Variants in EMCN observed in about 807,000 individuals in gnomAD.
The protein encoded by EMCN is endomucin, also known as MUC-14.
In EMCN, 37 loss-of-function variants were observed where a neutral mutation model predicts 38.4. The observed-to-expected ratio is 0.96, with a 90% CI of 0.74 to 1.27. EMCN has a LOEUF of 1.27. EMCN is among the 50% of genes most tolerant of loss of function. The pLI is 0.00. For synonymous variants in EMCN, 95 were observed against 100.8 expected (o/e 0.94, Z 0.35); for missense variants, 318 against 302.8 (o/e 1.05, Z -0.37).
At chr4:100,490,452 T>C (rs947772684) in intron 1 of EMCN, among the ~76,000 whole-genome samples, 1 of 152,192 alleles carries the variant, frequency 6.6e-6, no homozygotes, top group Non-Finnish European at 1.5e-5. Flanking sequence ...AGTAAATTCC[T>C]AGACCTTCAC....
In EMCN at chr4:100,469,361, T is replaced by C. The variant is rs896114318; in HGVS notation, c.260-3822A>G. Among the ~76,000 whole-genome samples the C allele has an allele frequency of 2.6e-5, 4 of 152,102 alleles. No homozygotes were observed. The South Asian group carries it at 6.2e-4, about 24-fold the overall frequency. Reference sequence around the variant, plus strand: ...GATATTACATCAAAAGCTCAGGGTATGGCCTCAGCAATTATTTTTGGATAT... The same window carrying C: ...GATATTACATCAAAAGCTCAGGGTACGGCCTCAGCAATTATTTTTGGATAT... On this transcript the variant is annotated intron_variant, in intron 3 of 11. Transcript: ENST00000296420.
At chr4:100,499,119 T>TA (rs1169415020) in intron 1 of EMCN, among the ~76,000 whole-genome samples, 1 of 152,186 alleles carries the variant, frequency 6.6e-6, no homozygotes, top group Non-Finnish European at 1.5e-5. Flanking sequence ...TAAGTTTAAT[T>TA]TACAAATGTG....
chr4:100,457,592 A>G (rs1406683459), intron 4 of EMCN, among the ~76,000 whole-genome samples: 2 of 152,156 alleles, frequency 1.3e-5, no homozygotes, highest in East Asian at 1.9e-4. Flanking sequence ...TTAATGTGGT[A>G]TATTATATTG....
intron 3 of EMCN, among the ~76,000 whole-genome samples, chr4:100,473,365 G>GGTTTTTTTTTTTTTT (rs1728533364): frequency 1.3e-4 from 4 of 29,838 alleles, no homozygotes; most frequent in African/African-American, 3.2e-4. Context: ...CCCGTTTCGT[G>GGTTTTTTTTTTTTTT]TTTTTTTGTT....
chr4:100,502,475 C>T (rs1230739239), intron 1 of EMCN, among the ~76,000 whole-genome samples: 2 of 152,144 alleles, frequency 1.3e-5, no homozygotes, highest in African/African-American at 2.4e-5. Flanking sequence ...ATCTTTTATG[C>T]TCATTAACTG....
At chr4:100,505,836 C>T (rs989445037) in intron 1 of EMCN, among the ~76,000 whole-genome samples, 3 of 152,302 alleles carry the variant, frequency 2.0e-5, no homozygotes, top group Admixed American at 2.0e-4. Context: ...TCCTACTCCA[C>T]ACTGGCATGA....
At chr4:100,476,304 G>A in intron 2 of EMCN, among the ~76,000 whole-genome samples, 1 of 144,776 alleles carries the variant, frequency 6.9e-6, no homozygotes, top group South Asian at 2.2e-4. Flanking sequence ...CTTCTTGCTT[G>A]ACAAGGTCTT....
intron 5 of EMCN, among the ~76,000 whole-genome samples, chr4:100,434,756 C>G (rs1308008865): frequency 6.6e-6 from 1 of 152,150 alleles, no homozygotes. Context: ...ATCACGTAAA[C>G]AGAACTAAAG....
At chr4:100,494,390 G>A (rs28502590) in intron 1 of EMCN, among the ~76,000 whole-genome samples, 1 of 152,168 alleles carries the variant, frequency 6.6e-6, no homozygotes, top group African/African-American at 2.4e-5. Flanking sequence ...AACAGACACA[G>A]TTTCAGAATA....
chr4:100,483,681 CTT>C (rs1560635079), intron 1 of EMCN, among the ~76,000 whole-genome samples: 5 of 152,046 alleles, frequency 3.3e-5, no homozygotes, highest in South Asian at 2.1e-4. Flanking sequence ...CAACTGGAAA[CTT>C]TGTCTTACCA....
At chr4:100,515,079 C>A (rs753053698) in intron 1 of EMCN, among the ~76,000 whole-genome samples, 6 of 152,268 alleles carry the variant, frequency 3.9e-5, no homozygotes, top group Non-Finnish European at 5.9e-5. Flanking sequence ...GCAATTAAAT[C>A]CTTCTTCATA....
chr4:100,498,627 G>A (rs1337139695), intron 1 of EMCN, among the ~76,000 whole-genome samples: 2 of 151,918 alleles, frequency 1.3e-5, no homozygotes, highest in Admixed American at 6.6e-5. Context: ...GATTACAGGC[G>A]CCCACCACCA....
intron 8 of EMCN, among the ~76,000 whole-genome samples, chr4:100,420,036 T>C: frequency 6.6e-6 from 1 of 152,122 alleles, no homozygotes; most frequent in South Asian, 2.1e-4. Flanking sequence ...TCTAACAGTT[T>C]ATGAGACTTA....
intron 10 of EMCN, among the ~76,000 whole-genome samples, chr4:100,412,625 C>T (rs17553013): frequency 0.026 from 3,915 of 152,184 alleles, 68 homozygotes; most frequent in Non-Finnish European, 0.041. Context: ...CTGACAAGAT[C>T]GCTTACTAAA....
At chr4:100,507,372 AAAT>A (rs967491600) in intron 1 of EMCN, among the ~76,000 whole-genome samples, 1 of 152,138 alleles carries the variant, frequency 6.6e-6, no homozygotes, top group Non-Finnish European at 1.5e-5. Context: ...TACAAGCAAA[AAAT>A]AATAATAATA....
chr4:100,403,986 A>G lies in EMCN; in HGVS notation c.*40-5613T>C, dbSNP rs1726326745. 2.0e-5 allele frequency among the ~76,000 whole-genome samples: 3 copies of G among 152,066 alleles called. No homozygotes were observed. The South Asian group carries it at 6.2e-4, about 32-fold the overall frequency. ...TGGATATTATACCTTTATCGGATGC[A>G]TAGTTCGTGAACATTTTCTCCCATT... On this transcript the variant is annotated intron_variant, in intron 11 of 11. Coordinates refer to ENST00000296420, the MANE Select transcript of EMCN (RefSeq NM_016242.4).
At chr4:100,462,162 G>T (rs1728196296) in intron 4 of EMCN, among the ~76,000 whole-genome samples, 1 of 152,150 alleles carries the variant, frequency 6.6e-6, no homozygotes, top group African/African-American at 2.4e-5. Flanking sequence ...AAAAAATTTT[G>T]TATAAAACTT....
chr4:100,418,087 G>A (rs575400124), intron 8 of EMCN, among the ~76,000 whole-genome samples: 13 of 151,886 alleles, frequency 8.6e-5, no homozygotes, highest in East Asian at 1.9e-4. Context: ...TATTGCCATC[G>A]TAACTCTTAA....
intron 8 of EMCN, 28 bp downstream of exon 8, chr4:100,421,254 G>A (rs1560607764): frequency 6.3e-7 from 1 of 1,586,734 alleles, no homozygotes; most frequent in South Asian, 1.1e-5. Context: ...CTTCTTTCAG[G>A]AAAACAAAAC....
Sources: allele counts gnomAD v4.1 joint callset (sites outside exome capture counted in the v4.1 genomes callset), GRCh38; gene constraint gnomAD v4.1.1; transcripts MANE v1.5; gene names NCBI Gene and HGNC (gene_info 2026-07-23, HGNC 2026-07-21).